CDH7: variants seen among roughly 807,000 people sequenced by gnomAD.
CDH7 encodes the protein cadherin-7.
In CDH7, 25 loss-of-function variants were observed where a neutral mutation model predicts 71.8. That is an observed-to-expected ratio of 0.35 (90% CI 0.25 to 0.49). CDH7 has a LOEUF of 0.49. CDH7 is among the 20% of genes least tolerant of loss of function. The pLI is 0.99. For synonymous variants in CDH7, 381 were observed against 363.8 expected (o/e 1.05, Z -0.54); for missense variants, 862 against 974.6 (o/e 0.88, Z 1.54).
rs191358215 is a variant in CDH7, at chr18:65,878,153, T to C, written c.1865-2248T>C. On this transcript the variant is annotated intron_variant, in intron 11 of 11. Coordinates refer to ENST00000397968, the MANE Select transcript of CDH7 (RefSeq NM_004361.5). ...TGTCCTGTGTGCAGACCTTCATTTC[T>C]CACTATACCACCTTTCCTATTTCCC... Among the ~76,000 whole-genome samples, 41 of 152,290 alleles carry C rather than the reference T, an allele frequency of 2.7e-4. No homozygotes were observed. The East Asian group carries it at 6.4e-3, about 24-fold the overall frequency.
intron 2 of CDH7, among the ~76,000 whole-genome samples, chr18:65,781,850 CTTTCTTTCTT>C (rs1361235377): frequency 6.6e-5 from 6 of 91,116 alleles, no homozygotes; most frequent in African/African-American, 4.0e-4. Flanking sequence ...TTCTTTCTTT[CTTTCTTTCTT>C]TCTTTCTCTC....
chr18:65,824,139 T>C (rs2143941716), intron 5 of CDH7, among the ~76,000 whole-genome samples: 1 of 151,548 alleles, frequency 6.6e-6, no homozygotes, highest in Non-Finnish European at 1.5e-5. Context: ...TCCTTTCTTA[T>C]CCAGTTTTCT....
chr18:65,814,974 G>T (rs1312140039), intron 4 of CDH7, among the ~76,000 whole-genome samples: 1 of 152,074 alleles, frequency 6.6e-6, no homozygotes, highest in Admixed American at 6.5e-5. Flanking sequence ...AAACCTCTCT[G>T]CCATGTAATA....
chr18:65,774,623 C>T lies in CDH7; in HGVS notation c.210+11571C>T, dbSNP rs536433392. On this transcript the variant is annotated intron_variant, in intron 2 of 11. Transcript: ENST00000397968. ...TGTACCTGAGTCAGCACGATTTCCTCGGGGCCGTCATTGGGAGTGTCTACA... is the reference window on the plus strand; with the variant it reads ...TGTACCTGAGTCAGCACGATTTCCTTGGGGCCGTCATTGGGAGTGTCTACA... Among the ~76,000 whole-genome samples the T allele has an allele frequency of 4.3e-4, 66 of 152,044 alleles. 1 individual carries two copies. Among genetic ancestry groups the T allele is most frequent in the Middle Eastern group, 3.4e-3 (1 of 294 alleles).
At chr18:65,835,139 G>T (rs1912489695) in intron 6 of CDH7, among the ~76,000 whole-genome samples, 1 of 152,092 alleles carries the variant, frequency 6.6e-6, no homozygotes, top group African/African-American at 2.4e-5. Context: ...TGGGCTACCT[G>T]GGCTGGTTCC....
chr18:65,800,019 A>T (rs1911062907), intron 2 of CDH7, among the ~76,000 whole-genome samples: 1 of 152,200 alleles, frequency 6.6e-6, no homozygotes, highest in African/African-American at 2.4e-5. Flanking sequence ...TTTGAGTAAA[A>T]TATATAAAAC....
At chr18:65,788,278 G>T (rs1436568650) in intron 2 of CDH7, among the ~76,000 whole-genome samples, 1 of 152,116 alleles carries the variant, frequency 6.6e-6, no homozygotes, top group Non-Finnish European at 1.5e-5. Flanking sequence ...TTACATTACT[G>T]TCTAAAATCA....
At chr18:65,824,368 G>A (rs576234934) in intron 5 of CDH7, among the ~76,000 whole-genome samples, 19 of 151,306 alleles carry the variant, frequency 1.3e-4, no homozygotes, top group African/African-American at 4.6e-4. Flanking sequence ...TTTCAGTGTA[G>A]GATATTTCTC....
Position 65,766,212 on chromosome 18 carries a change from T to A in CDH7, c.210+3160T>A, listed in dbSNP as rs17075191. On this transcript the variant is annotated intron_variant, in intron 2 of 11. Transcript: ENST00000397968. ...AGAGATATAATTAGTGGGTAAAAAATTCACAGAAATTATATCTGTGAGTCT... is the reference window on the plus strand; with the variant it reads ...AGAGATATAATTAGTGGGTAAAAAAATCACAGAAATTATATCTGTGAGTCT... Among the ~76,000 whole-genome samples, 911 of 151,944 alleles carry A rather than the reference T, an allele frequency of 6.0e-3. 7 individuals are homozygous for A. The highest frequency in any genetic ancestry group is 0.021 in the African/African-American group (882 of 41,412).
At chr18:65,839,568 A>C (rs1239856154) in intron 6 of CDH7, among the ~76,000 whole-genome samples, 1 of 152,182 alleles carries the variant, frequency 6.6e-6, no homozygotes, top group Non-Finnish European at 1.5e-5. Flanking sequence ...CAAAAGAAAC[A>C]CTAATCTTAC....
chr18:65,823,011 C>T (rs1239785665), intron 5 of CDH7, among the ~76,000 whole-genome samples: 3 of 151,498 alleles, frequency 2.0e-5, no homozygotes, highest in East Asian at 3.9e-4. Flanking sequence ...ATTGTACAGA[C>T]CATAATGTCT....
At chr18:65,752,938 T>C (rs1487213603) in intron 1 of CDH7, among the ~76,000 whole-genome samples, 5 of 152,264 alleles carry the variant, frequency 3.3e-5, no homozygotes, top group Admixed American at 3.3e-4. Context: ...ATTGTGTTAA[T>C]CACTTTACAG....
At chr18:65,785,016 A>G (rs777101617) in intron 2 of CDH7, among the ~76,000 whole-genome samples, 2 of 152,170 alleles carry the variant, frequency 1.3e-5, no homozygotes, top group Non-Finnish European at 2.9e-5. Context: ...TTGTTCTTTT[A>G]TGGTATCTGT....
At chr18:65,876,687 AATT>A (rs1914083190) in intron 11 of CDH7, among the ~76,000 whole-genome samples, 1 of 152,180 alleles carries the variant, frequency 6.6e-6, no homozygotes, top group African/African-American at 2.4e-5. Context: ...CTTTTGGAGT[AATT>A]ATTACAATTC....
At chr18:65,788,512 G>A (rs997288373) in intron 2 of CDH7, among the ~76,000 whole-genome samples, 2 of 152,186 alleles carry the variant, frequency 1.3e-5, no homozygotes, top group African/African-American at 4.8e-5. Context: ...TGCAAGTCAT[G>A]CTGTGTAGCG....
chr18:65,806,672 G>A (rs1241720971), intron 2 of CDH7, among the ~76,000 whole-genome samples: 1 of 152,076 alleles, frequency 6.6e-6, no homozygotes, highest in Non-Finnish European at 1.5e-5. Context: ...GTGTGTGTGT[G>A]TGTGTCCGTG....
intron 7 of CDH7, among the ~76,000 whole-genome samples, chr18:65,854,325 AG>A (rs1240005207): frequency 3.4e-5 from 5 of 148,458 alleles, no homozygotes; most frequent in African/African-American, 1.2e-4. Context: ...TATATCTACA[AG>A]GGGAAGCTGC....
At chr18:65,795,215 T>TA (rs150151455) in intron 2 of CDH7, among the ~76,000 whole-genome samples, 100 of 152,308 alleles carry the variant, frequency 6.6e-4, no homozygotes, top group African/African-American at 2.4e-3. Flanking sequence ...TAATTTTTTT[T>TA]ATATTTGACA....
chr18:65,806,775 C>A (rs1447012889), intron 2 of CDH7, among the ~76,000 whole-genome samples: 1 of 152,080 alleles, frequency 6.6e-6, no homozygotes, highest in Admixed American at 6.6e-5. Flanking sequence ...GCTGAGCACT[C>A]TTTTTCATCA....
Sources: gnomAD v4.1 joint callset for allele counts (sites outside exome capture counted in the v4.1 genomes callset) on GRCh38, gnomAD v4.1.1 for gene constraint, MANE v1.5 for transcripts, NCBI Gene and HGNC (gene_info 2026-07-23, HGNC 2026-07-21) for gene names.